DTWD1: variants seen among roughly 807,000 people sequenced by gnomAD.
DTWD1 encodes tRNA-uridine aminocarboxypropyltransferase 1.
DTWD1 carries 27 observed loss-of-function variants against 30.2 expected under a neutral mutation model. That is an observed-to-expected ratio of 0.90 (90% CI 0.66 to 1.23). The LOEUF (loss-of-function observed/expected upper bound fraction) is 1.23, where lower values mean the gene tolerates loss of function less well. Among genes scored for constraint, DTWD1 ranks in the 50% most tolerant of loss-of-function variants. The probability of loss-of-function intolerance (pLI) is 0.00; values close to 1 mark genes in which losing one functional copy is unlikely to be tolerated. For missense variants in DTWD1, 342 were observed against 348.8 expected (o/e 0.98, Z 0.15); for synonymous variants, 99 against 113.1 (o/e 0.88, Z 0.79).
At chr15:49,626,721 C>G (rs375189598) in intron 2 of DTWD1, 15 of 439,244 alleles carry the variant, frequency 3.4e-5, no homozygotes, top group African/African-American at 3.0e-4. Flanking sequence ...TACTTTGACA[C>G]TCATATTTTA....
chr15:49,654,432 A>T lies in DTWD1; in HGVS notation c.*10854A>T, dbSNP rs1365293382. 1 of 152,006 alleles carries T rather than the reference A, an allele frequency of 6.6e-6. No individual in the cohort carries two copies. The highest frequency in any genetic ancestry group is 1.9e-4 in the East Asian group (1 of 5,150). 9.4% of individuals were successfully genotyped at this position (152,006 alleles called of 1,614,324 possible). A position where few individuals can be genotyped will look rare whatever the true frequency, so the allele number is the denominator to read the frequency against. On this transcript the variant is annotated 3_prime_UTR_variant, in exon 5 of 5. Coordinates refer to ENST00000403028, the MANE Select transcript of DTWD1 (RefSeq NM_001144955.2). ...GCCTTCTAACTCACTTTGACCAATA[A>T]AATGTGGTAAAAGTAAGGTCTGGCA...
chr15:49,633,049 CTATATATATA>C (rs1555588610), intron 3 of DTWD1, among the ~76,000 whole-genome samples: 12 of 117,316 alleles, frequency 1.0e-4, no homozygotes, highest in Non-Finnish European at 1.0e-4. Context: ...ATATCTATAT[CTATATATATA>C]TATATATATA....
chr15:49,645,438 C>G lies in DTWD1; in HGVS notation c.*1860C>G, dbSNP rs1227499901. ...ACATTATTAGTCTTACAGTCTTAGC[C>G]AAATAAACTAACTGGCTTGCTTATT... On this transcript the variant is annotated 3_prime_UTR_variant, in exon 5 of 5. Transcript: ENST00000403028. 18 of 152,016 alleles carry G rather than the reference C, an allele frequency of 1.2e-4. No individual in the cohort carries two copies. Among genetic ancestry groups the G allele is most frequent in the Non-Finnish European group, 2.9e-5 (2 of 67,996 alleles). The allele number at this position is 152,016 out of a possible 1,614,324, so 9.4% of individuals were successfully genotyped here.
chr15:49,653,451 T>A lies in DTWD1; in HGVS notation c.*9873T>A, dbSNP rs1485375381. On this transcript the variant is annotated 3_prime_UTR_variant, in exon 5 of 5. Transcript: ENST00000403028. Reference sequence around the variant, plus strand: ...CATCTTGATTTTAGATCAGTGAGATTTTTGTGTTGGACTTCTACAGAACTA... The same window carrying A: ...CATCTTGATTTTAGATCAGTGAGATATTTGTGTTGGACTTCTACAGAACTA... 1 of 152,204 alleles carries A rather than the reference T, an allele frequency of 6.6e-6. No homozygotes were observed. The highest frequency in any genetic ancestry group is 1.9e-4 in the East Asian group (1 of 5,164). 9.4% of individuals were successfully genotyped at this position (152,204 alleles called of 1,614,324 possible). A position where few individuals can be genotyped will look rare whatever the true frequency, so the allele number is the denominator to read the frequency against.
At chr15:49,640,807 G>A (rs2079056785) in intron 4 of DTWD1, among the ~76,000 whole-genome samples, 1 of 151,906 alleles carries the variant, frequency 6.6e-6, no homozygotes. Context: ...CTAGAATATA[G>A]ATAATGTTGC....
chr15:49,637,374 A>C (rs1313507658), intron 4 of DTWD1, among the ~76,000 whole-genome samples: 1 of 152,100 alleles, frequency 6.6e-6, no homozygotes, highest in African/African-American at 2.4e-5. Flanking sequence ...GTTCACTTGT[A>C]CTTTTTTTCT....
intron 2 of DTWD1, among the ~76,000 whole-genome samples, chr15:49,630,299 A>G (rs561252960): frequency 5.3e-5 from 8 of 152,310 alleles, no homozygotes; most frequent in African/African-American, 1.7e-4. Flanking sequence ...ATTAGATTGT[A>G]CACTTTAAAT....
intron 2 of DTWD1, among the ~76,000 whole-genome samples, chr15:49,631,434 T>G (rs182276365): frequency 3.3e-5 from 5 of 152,214 alleles, no homozygotes; most frequent in African/African-American, 9.6e-5. Flanking sequence ...GAATTTTAGA[T>G]CTGAAGCTTT....
intron 4 of DTWD1, among the ~76,000 whole-genome samples, chr15:49,641,730 G>T (rs543563669): frequency 2.6e-4 from 40 of 151,972 alleles, no homozygotes; most frequent in African/African-American, 9.2e-4. Flanking sequence ...TTTTTTGTTT[G>T]TTTGTTTGTT....
chr15:49,636,298 A>G (rs1598659387), intron 4 of DTWD1, among the ~76,000 whole-genome samples: 1 of 151,902 alleles, frequency 6.6e-6, no homozygotes, highest in South Asian at 2.1e-4. Flanking sequence ...ACTATTTCAA[A>G]TAAAGTTGCT....
intron 3 of DTWD1, 101 bp from the exon 4 acceptor site, chr15:49,634,435 C>T (rs903809302): frequency 2.3e-6 from 3 of 1,309,782 alleles, no homozygotes; most frequent in African/African-American, 1.5e-5. Flanking sequence ...GCTTATTTCT[C>T]AGATATTCAA....
chr15:49,628,098 T>G (rs185230930), intron 2 of DTWD1, among the ~76,000 whole-genome samples: 1 of 152,254 alleles, frequency 6.6e-6, no homozygotes, highest in East Asian at 1.9e-4. Context: ...TTTAAACTTT[T>G]TTTGTTGAAA....
chr15:49,621,737 A>G (rs1184077354), intron 1 of DTWD1, among the ~76,000 whole-genome samples: 7 of 152,180 alleles, frequency 4.6e-5, no homozygotes, highest in Admixed American at 3.9e-4. Context: ...TGCACCATGA[A>G]AACGAAGGCA....
chr15:49,643,244 C>G lies in DTWD1; in HGVS notation c.668-87C>G, dbSNP rs146460969. On this transcript the variant is annotated intron_variant, in intron 4 of 4. Transcript: ENST00000403028. ...AATTCTTAGAATAATTAAGAGAAAT[C>G]ATTATTATTGTACCAAGCCTGTGGT... The G allele has an allele frequency of 1.7e-4, 224 of 1,343,632 alleles. 1 individual carries two copies. The East Asian group carries it at 5.4e-3, about 32-fold the overall frequency. 83.2% of individuals were successfully genotyped at this position (1,343,632 alleles called of 1,614,324 possible). A position where few individuals can be genotyped will look rare whatever the true frequency, so the allele number is the denominator to read the frequency against.
At chr15:49,639,739 T>G (rs1224931057) in intron 4 of DTWD1, among the ~76,000 whole-genome samples, 1 of 152,188 alleles carries the variant, frequency 6.6e-6, no homozygotes, top group African/African-American at 2.4e-5. Flanking sequence ...ATGAATGTCA[T>G]ATTTTATTCA....
rs200808346 is a variant in DTWD1, at chr15:49,632,263, G to T, written c.369G>T (p.Thr123=). ...CACCTGAATTTGTAAACATTTACAC[G>T]TATCCGTGTATTCCAGAATATGAAG... ...LLAPEFVNIY[T]YPCIPEYEEK... Residue 123 remains threonine, a synonymous_variant, in exon 3 of 5, where the codon ACG becomes ACT. Coordinates refer to ENST00000403028, the MANE Select transcript of DTWD1 (RefSeq NM_001144955.2). 6.3e-7 allele frequency: 1 copy of T among 1,591,726 alleles called. No homozygotes were observed. Among genetic ancestry groups the T allele is most frequent in the African/African-American group, 1.4e-5 (1 of 73,436 alleles).
intron 4 of DTWD1, among the ~76,000 whole-genome samples, chr15:49,640,243 C>T (rs749618375): frequency 1.1e-4 from 17 of 152,018 alleles, no homozygotes; most frequent in Middle Eastern, 3.2e-3. Flanking sequence ...TCTAAAGTCA[C>T]ATTTTGTTTC....
At chr15:49,631,697 G>T (rs2078923105) in intron 2 of DTWD1, among the ~76,000 whole-genome samples, 1 of 151,500 alleles carries the variant, frequency 6.6e-6, no homozygotes, top group South Asian at 2.1e-4. Context: ...GGAGACGGAG[G>T]TTGCAGTGAG....
chr15:49,651,163 A>C lies in DTWD1; in HGVS notation c.*7585A>C, dbSNP rs2079150028. On this transcript the variant is annotated 3_prime_UTR_variant, in exon 5 of 5. Transcript: ENST00000403028. ...AGAGGGCTTCTTTGGTTGCATACAA[A>C]TCTCATCTAGAATTTAATAGTCCAA... 6.6e-6 allele frequency: 1 copy of C among 152,318 alleles called. No homozygotes were observed. The highest frequency in any genetic ancestry group is 6.5e-5 in the Admixed American group (1 of 15,304). 9.4% of individuals were successfully genotyped at this position (152,318 alleles called of 1,614,324 possible). A position where few individuals can be genotyped will look rare whatever the true frequency, so the allele number is the denominator to read the frequency against.
Sources: gnomAD v4.1 joint callset for allele counts (sites outside exome capture counted in the v4.1 genomes callset) on GRCh38, gnomAD v4.1.1 for gene constraint, MANE v1.5 for transcripts, NCBI Gene and HGNC (gene_info 2026-07-23, HGNC 2026-07-21) for gene names.